Variants in LARGE1 observed in about 807,000 individuals in gnomAD.
LARGE1 encodes xylosyl- and glucuronyltransferase LARGE1.
In LARGE1, 43 loss-of-function variants were observed where a neutral mutation model predicts 87.6. The ratio of observed to expected loss-of-function variants is 0.49; its 90% confidence interval spans 0.38 to 0.63. The LOEUF (loss-of-function observed/expected upper bound fraction) is 0.63, where lower values mean the gene tolerates loss of function less well. LARGE1 is among the 30% of genes least tolerant of loss of function. LARGE1 has a pLI of 0.00. For synonymous variants in LARGE1, 434 were observed against 394.6 expected, an observed-to-expected ratio of 1.10 and a Z score of -1.18; for missense variants, 802 against 1,000.2, an observed-to-expected ratio of 0.80 and a Z score of 2.67.
chr22:33,072,559 AG>A, the LARGE1 span, among the ~76,000 whole-genome samples: 1 of 152,212 alleles, frequency 6.6e-6, no homozygotes, highest in African/African-American at 2.4e-5. Flanking sequence ...CTCATAAAAA[AG>A]TGATGCTCAG....
intron 1 of LARGE1, among the ~76,000 whole-genome samples, chr22:33,762,417 G>A (rs1021054678): frequency 6.6e-6 from 1 of 152,000 alleles, no homozygotes; most frequent in Admixed American, 6.6e-5. Context: ...CTGGGCAGAG[G>A]AGACTGAGAA....
At chr22:33,846,183 G>A (rs376127279) in intron 1 of LARGE1, among the ~76,000 whole-genome samples, 36 of 152,292 alleles carry the variant, frequency 2.4e-4, no homozygotes, top group East Asian at 1.9e-3. Flanking sequence ...GACCCCAAAC[G>A]GAGGGACCGG....
Position 33,247,044 on chromosome 22 carries a change from A to AGT in LARGE1, c.1730+57183_1730+57184dup, listed in dbSNP as rs1203064501. On this transcript the variant is annotated intron_variant, in intron 11 of 11. Coordinates refer to the LARGE1 transcript ENST00000608642. ...TTTTTACTATGAGAGAACTGCAGCC[A>AGT]GTATGTGTGTGTGTGTGTGTGTGTG... Among the ~76,000 whole-genome samples the AGT allele has an allele frequency of 5.7e-3, 473 of 82,906 alleles. 2 individuals are homozygous for AGT. Among genetic ancestry groups the AGT allele is most frequent in the African/African-American group, 0.02 (449 of 22,348 alleles). The allele number at this position is 82,906 out of a possible 152,430, so 54.4% of individuals were successfully genotyped here. A position where few individuals can be genotyped will look rare whatever the true frequency, so the allele number is the denominator to read the frequency against.
At position 33,877,631 on chromosome 22, in the gene LARGE1, T is replaced by A. The variant is rs5999128; in HGVS notation, c.-83+42364A>T. Among the ~76,000 whole-genome samples the A allele has an allele frequency of 7.3e-3, 1,105 of 152,164 alleles. 13 individuals carry two copies. The highest frequency in any genetic ancestry group is 0.025 in the African/African-American group (1,029 of 41,526). On this transcript the variant is annotated intron_variant, in intron 1 of 14. Coordinates refer to ENST00000397394, the MANE Select transcript of LARGE1 (RefSeq NM_133642.5). Reference sequence around the variant, plus strand: ...GCTCTGAAGTGAGCTGTGCTATAAATTAAAATACAGGCTGGGCACGGTGGC... The same window carrying A: ...GCTCTGAAGTGAGCTGTGCTATAAAATAAAATACAGGCTGGGCACGGTGGC...
intron 11 of LARGE1, chr22:33,305,680 T>A (rs1442812033): frequency 1.3e-6 from 1 of 744,652 alleles, no homozygotes; most frequent in Non-Finnish European, 1.6e-6. Flanking sequence ...TTTTGATGAC[T>A]TCCAGAGTTT....
At chr22:33,585,071 C>A (rs1302456685) in intron 5 of LARGE1, among the ~76,000 whole-genome samples, 1 of 152,092 alleles carries the variant, frequency 6.6e-6, no homozygotes, top group East Asian at 1.9e-4. Flanking sequence ...GAGCCGAGAT[C>A]GCACCACTGC....
intron 6 of LARGE1, among the ~76,000 whole-genome samples, chr22:33,449,821 G>A (rs1306573820): frequency 1.3e-5 from 2 of 152,230 alleles, no homozygotes; most frequent in African/African-American, 4.8e-5. Flanking sequence ...CTGGCTGCCA[G>A]TGCCCTGAAG....
At chr22:33,603,864 T>C (rs539467789) in intron 5 of LARGE1, among the ~76,000 whole-genome samples, 74 of 152,332 alleles carry the variant, frequency 4.9e-4, no homozygotes, top group African/African-American at 1.8e-3. Context: ...AAAGGTTTCA[T>C]TTGGTTGAAA....
chr22:33,815,433 C>T (rs1245801102), intron 1 of LARGE1, among the ~76,000 whole-genome samples: 1 of 152,152 alleles, frequency 6.6e-6, no homozygotes, highest in Non-Finnish European at 1.5e-5. Context: ...GTGAATATTG[C>T]CCATTTTCCA....
rs9621796 is a variant in LARGE1, at chr22:33,884,651, C to A, written c.-83+35344G>T. 5.3e-3 allele frequency among the ~76,000 whole-genome samples: 807 copies of A among 152,326 alleles called. 11 individuals carry two copies. Among genetic ancestry groups the A allele is most frequent in the African/African-American group, 0.019 (779 of 41,576 alleles). On this transcript the variant is annotated intron_variant, in intron 1 of 14. Coordinates refer to ENST00000397394, the MANE Select transcript of LARGE1 (RefSeq NM_133642.5). ...ATTCTCGAGGTCACGGCTTACACTG[C>A]GGAGGGCCGGCAACCCCGCCTTTAA...
intron 6 of LARGE1, among the ~76,000 whole-genome samples, chr22:33,498,699 CGGGG>C (rs1569215208): frequency 6.6e-6 from 1 of 152,122 alleles, no homozygotes; most frequent in Non-Finnish European, 1.5e-5. Flanking sequence ...AGGCCAGGCG[CGGGG>C]GCTCACACCT....
intron 1 of LARGE1, among the ~76,000 whole-genome samples, chr22:33,770,435 A>G (rs908635045): frequency 6.6e-6 from 1 of 152,180 alleles, no homozygotes. Flanking sequence ...TAATCCCAAC[A>G]TTTGGGAGGG....
chr22:33,664,087 T>C (rs987308162), intron 2 of LARGE1, among the ~76,000 whole-genome samples: 1 of 152,160 alleles, frequency 6.6e-6, no homozygotes, highest in Non-Finnish European at 1.5e-5. Context: ...CTCCATTGTC[T>C]CAACACGTCA....
At chr22:33,604,958 T>C (rs569609927) in intron 4 of LARGE1, among the ~76,000 whole-genome samples, 1 of 152,024 alleles carries the variant, frequency 6.6e-6, no homozygotes, top group East Asian at 2.0e-4. Context: ...TTTTTTAGAC[T>C]GGCTGCAGGC....
chr22:33,285,230 C>G (rs1255045942), intron 12 of LARGE1, among the ~76,000 whole-genome samples: 1 of 152,146 alleles, frequency 6.6e-6, no homozygotes, highest in Non-Finnish European at 1.5e-5. Flanking sequence ...CTGTCTGTTT[C>G]CATCTCTGAG....
chr22:33,159,583 ATTT>A (rs768251168), downstream of LARGE1, among the ~76,000 whole-genome samples: 3 of 143,502 alleles, frequency 2.1e-5, no homozygotes, highest in Admixed American at 7.0e-5. Context: ...ATCAATTTAA[ATTT>A]TTTTTTTTTT....
At chr22:33,634,925 T>A (rs2149111015) in intron 3 of LARGE1, among the ~76,000 whole-genome samples, 1 of 152,054 alleles carries the variant, frequency 6.6e-6, no homozygotes, top group Non-Finnish European at 1.5e-5. Flanking sequence ...CAGACCAGCC[T>A]GGCCAACATG....
chr22:33,580,595 G>T (rs1329033219), intron 5 of LARGE1, among the ~76,000 whole-genome samples: 2 of 152,124 alleles, frequency 1.3e-5, no homozygotes, highest in East Asian at 3.8e-4. Flanking sequence ...GGCATCAGTT[G>T]TGATTTTCTC....
At chr22:33,405,110 T>C (rs2066052498) in intron 7 of LARGE1, among the ~76,000 whole-genome samples, 1 of 152,198 alleles carries the variant, frequency 6.6e-6, no homozygotes, top group Non-Finnish European at 1.5e-5. Context: ...TTTCTTTCTT[T>C]CTAGGGAGAA....
Sources: gnomAD v4.1 joint callset for allele counts (sites outside exome capture counted in the v4.1 genomes callset) on GRCh38, gnomAD v4.1.1 for gene constraint, MANE v1.5 for transcripts, NCBI Gene and HGNC (gene_info 2026-07-23, HGNC 2026-07-21) for gene names.